SPATA9: variants seen among roughly 807,000 people sequenced by gnomAD.
SPATA9 encodes the protein spermatogenesis-associated protein 9.
SPATA9 carries 27 observed loss-of-function variants against 25.5 expected under a neutral mutation model. The observed-to-expected ratio is 1.06, with a 90% CI of 0.78 to 1.46. SPATA9 has a LOEUF of 1.46. Among genes scored for constraint, SPATA9 ranks in the 40% most tolerant of loss-of-function variants. The pLI is 0.00. For missense variants in SPATA9, 282 were observed against 297.5 expected, an observed-to-expected ratio of 0.95 and a Z score of 0.38; for synonymous variants, 102 against 105.7, an observed-to-expected ratio of 0.97 and a Z score of 0.21.
At chr5:95,680,575 C>G (rs769114773) in intron 2 of SPATA9, among the ~76,000 whole-genome samples, 2 of 152,158 alleles carry the variant, frequency 1.3e-5, no homozygotes, top group Non-Finnish European at 2.9e-5. Flanking sequence ...TAAACAATGG[C>G]ATTGTCGGGG....
chr5:95,654,788 T>C (rs1196419004), downstream of SPATA9, among the ~76,000 whole-genome samples: 9 of 152,120 alleles, frequency 5.9e-5, no homozygotes, highest in Non-Finnish European at 8.8e-5. Flanking sequence ...AAAAAGCACG[T>C]CATAGGATGA....
downstream of SPATA9, chr5:95,656,404 A>G (rs1750764860): frequency 2.1e-6 from 2 of 957,568 alleles, no homozygotes; most frequent in South Asian, 1.7e-5. Context: ...ATTTTTCAAC[A>G]TAGGCACAAC....
the SPATA9 span, among the ~76,000 whole-genome samples, chr5:95,711,563 C>A: frequency 6.6e-6 from 1 of 152,184 alleles, no homozygotes; most frequent in Non-Finnish European, 1.5e-5. Flanking sequence ...CCCGCCGCGG[C>A]CGCAGTCGAG....
intron 3 of SPATA9, among the ~76,000 whole-genome samples, chr5:95,667,382 G>C (rs1023101399): frequency 1.3e-5 from 2 of 152,044 alleles, no homozygotes; most frequent in Non-Finnish European, 2.9e-5. Flanking sequence ...TCTTCGGGCC[G>C]TACTAACTCC....
intron 2 of SPATA9, among the ~76,000 whole-genome samples, chr5:95,677,081 T>C (rs1753005517): frequency 6.6e-6 from 1 of 152,234 alleles, no homozygotes; most frequent in Admixed American, 6.5e-5. Context: ...CACTAAGACC[T>C]TCTTGGTCAC....
chr5:95,710,539 T>C, the SPATA9 span, among the ~76,000 whole-genome samples: 7 of 152,184 alleles, frequency 4.6e-5, no homozygotes, highest in Non-Finnish European at 1.0e-4. Flanking sequence ...ATCCAGTCTC[T>C]TAGATAAATA....
At chr5:95,661,418 A>C (rs1374482634) in intron 4 of SPATA9, among the ~76,000 whole-genome samples, 1 of 152,152 alleles carries the variant, frequency 6.6e-6, no homozygotes, top group Non-Finnish European at 1.5e-5. Context: ...CCTTAGATAC[A>C]TATATGACCA....
downstream of SPATA9, chr5:95,653,936 A>G: frequency 3.1e-6 from 2 of 639,648 alleles, no homozygotes; most frequent in East Asian, 5.5e-5. Context: ...TGTTTTATAT[A>G]GCTACAGAAA....
chr5:95,725,889 T>C, the SPATA9 span, among the ~76,000 whole-genome samples: 1 of 152,058 alleles, frequency 6.6e-6, no homozygotes, highest in East Asian at 1.9e-4. Context: ...TAAAACACAG[T>C]TTTTATTTTT....
downstream of SPATA9, chr5:95,652,362 C>T (rs994339062): frequency 2.6e-6 from 4 of 1,546,252 alleles, no homozygotes; most frequent in Non-Finnish European, 3.5e-6. Context: ...GACCTGGAAA[C>T]TCCCCAGTTT....
chr5:95,681,549 C>T (rs1362222676), intron 2 of SPATA9, among the ~76,000 whole-genome samples: 4 of 152,166 alleles, frequency 2.6e-5, no homozygotes, highest in Non-Finnish European at 4.4e-5. Flanking sequence ...AATGCAATTA[C>T]TCCTTTACAA....
the SPATA9 span, among the ~76,000 whole-genome samples, chr5:95,707,165 C>A: frequency 1.3e-5 from 2 of 152,034 alleles, no homozygotes; most frequent in African/African-American, 4.8e-5. Context: ...AGACAGAAAT[C>A]AGAAGAATTT....
At chr5:95,726,965 CT>C in the SPATA9 span, among the ~76,000 whole-genome samples, 2,849 of 148,802 alleles carry the variant, frequency 0.019, 34 homozygotes, top group Non-Finnish European at 0.031. Flanking sequence ...CGTTTCCCCC[CT>C]TTTTTTTTTC....
upstream of SPATA9, among the ~76,000 whole-genome samples, chr5:95,699,652 G>C (rs1488378099): frequency 6.6e-6 from 1 of 152,220 alleles, no homozygotes; most frequent in African/African-American, 2.4e-5. Context: ...AAATAAAAGT[G>C]AAGGAAGAGT....
At chr5:95,677,227 T>A (rs6899234) in intron 2 of SPATA9, among the ~76,000 whole-genome samples, 8,347 of 152,316 alleles carry the variant, frequency 0.055, 318 homozygotes, top group African/African-American at 0.11. Context: ...TGTTTTTTAC[T>A]TGACTGGAGT....
chr5:95,702,764 C>T (rs1754209442), upstream of SPATA9, among the ~76,000 whole-genome samples: 2 of 152,064 alleles, frequency 1.3e-5, no homozygotes, highest in Non-Finnish European at 2.9e-5. Flanking sequence ...ACCTATAGTC[C>T]TAGTTACTCT....
At chr5:95,702,665 C>A (rs939743091), upstream of SPATA9, among the ~76,000 whole-genome samples, 3 of 152,070 alleles carry the variant, frequency 2.0e-5, no homozygotes, top group Admixed American at 6.5e-5. Context: ...CACTAGAGAC[C>A]AGAAGTTCCA....
the SPATA9 span, among the ~76,000 whole-genome samples, chr5:95,712,593 C>A: frequency 6.6e-6 from 1 of 152,166 alleles, no homozygotes; most frequent in East Asian, 1.9e-4. Flanking sequence ...CCTAGCCAAC[C>A]GCAAGCATCA....
the SPATA9 span, among the ~76,000 whole-genome samples, chr5:95,711,559 G>A: frequency 5.3e-5 from 8 of 152,194 alleles, no homozygotes; most frequent in South Asian, 4.1e-4. Context: ...TCCTCCCGCC[G>A]CGGCCGCAGT....
Sources: allele counts gnomAD v4.1 joint callset (sites outside exome capture counted in the v4.1 genomes callset), GRCh38; gene constraint gnomAD v4.1.1; transcripts MANE v1.5; gene names NCBI Gene and HGNC (gene_info 2026-07-23, HGNC 2026-07-21).